NEDD4L: variants seen among roughly 807,000 people sequenced by gnomAD.
NEDD4L encodes E3 ubiquitin-protein ligase NEDD4-like.
Under a neutral mutation model 148.9 loss-of-function variants are expected in NEDD4L, and 54 were observed. That is an observed-to-expected ratio of 0.36 (90% CI 0.29 to 0.45). The LOEUF is 0.45. NEDD4L is among the 20% of genes least tolerant of loss of function. The probability of loss-of-function intolerance (pLI) is 1.00; values close to 1 mark genes in which losing one functional copy is unlikely to be tolerated. For missense variants in NEDD4L, 856 were observed against 1,233.8 expected (o/e 0.69, Z 4.59); for synonymous variants, 433 against 440.7 (o/e 0.98, Z 0.22).
At chr18:58,261,443 AAT>A (rs1170521590) in intron 5 of NEDD4L, among the ~76,000 whole-genome samples, 1 of 152,244 alleles carries the variant, frequency 6.6e-6, no homozygotes, top group African/African-American at 2.4e-5. Flanking sequence ...ATGACTTTAA[AAT>A]GAGGGAGATA....
chr18:58,072,283 A>G (rs1430531817), intron 1 of NEDD4L, among the ~76,000 whole-genome samples: 1 of 152,198 alleles, frequency 6.6e-6, no homozygotes, highest in East Asian at 1.9e-4. Flanking sequence ...CTATGGAACA[A>G]TATCCCTTAT....
chr18:58,256,270 C>G lies in NEDD4L; in HGVS notation c.297+4216C>G, dbSNP rs1198231264. 8.1e-7 allele frequency: 1 copy of G among 1,231,070 alleles called. No individual in the cohort carries two copies. The highest frequency in any genetic ancestry group is 1.0e-6 in the Non-Finnish European group (1 of 987,586). The allele number at this position is 1,231,070 out of a possible 1,614,324, so 76.3% of individuals were successfully genotyped here. On this transcript the variant is annotated intron_variant, in intron 5 of 30. Coordinates refer to ENST00000400345, the MANE Select transcript of NEDD4L (RefSeq NM_001144967.3). The surrounding 1 kb of genome is among the most constrained non-coding windows in gnomAD (Gnocchi z 5.2). ...GCCAGGTGAGGCTGCTGCCCCTGGG[C>G]CCCGATGGCCAGGGCGGCCCGGCCG...
chr18:58,228,366 G>A (rs2044631442), intron 2 of NEDD4L, among the ~76,000 whole-genome samples: 1 of 152,238 alleles, frequency 6.6e-6, no homozygotes, highest in African/African-American at 2.4e-5. Flanking sequence ...CAGGTGGGGG[G>A]CAGGACATTT....
intron 25 of NEDD4L, 142 bp downstream of exon 25, chr18:58,383,461 C>T: frequency 1.7e-6 from 1 of 598,592 alleles, no homozygotes; most frequent in Non-Finnish European, 3.0e-6. Context: ...TCTTTTCTGG[C>T]TTGGGCTAAT....
rs183844308 is a variant in NEDD4L at position 58,174,677 on chromosome 18, G to A, written c.122+8816G>A. Among the ~76,000 whole-genome samples, 67 of 152,278 alleles carry A rather than the reference G, an allele frequency of 4.4e-4. 2 individuals carry two copies. Among genetic ancestry groups the A allele is most frequent in the Admixed American group, 3.3e-3 (50 of 15,310 alleles). ...TTGAGGCAGGAATGGGTGAGGCTAC[G>A]TGCGACTGGAGGGACACAATGACTG... On this transcript the variant is annotated intron_variant, in intron 2 of 30. Coordinates refer to ENST00000400345, the MANE Select transcript of NEDD4L (RefSeq NM_001144967.3).
chr18:58,198,150 T>A (rs1475537654), intron 2 of NEDD4L, among the ~76,000 whole-genome samples: 1 of 152,138 alleles, frequency 6.6e-6, no homozygotes, highest in Non-Finnish European at 1.5e-5. Context: ...TTTCTACATG[T>A]TTATGTCGAG....
At chr18:58,199,964 G>A (rs142986277) in intron 2 of NEDD4L, among the ~76,000 whole-genome samples, 1 of 152,068 alleles carries the variant, frequency 6.6e-6, no homozygotes, top group South Asian at 2.1e-4. Flanking sequence ...AGGGTACGTG[G>A]GGACTCTATC....
chr18:58,325,196 C>A (rs765411686), intron 9 of NEDD4L, 34 bp downstream of exon 9: 1 of 1,610,932 alleles, frequency 6.2e-7, no homozygotes, highest in South Asian at 1.1e-5. Context: ...AACACGTGCA[C>A]GTGCACTGCA....
intron 2 of NEDD4L, among the ~76,000 whole-genome samples, chr18:58,239,981 G>T (rs1301499215): frequency 6.6e-6 from 1 of 152,146 alleles, no homozygotes. Flanking sequence ...TGCAAAATCC[G>T]AGTGGATTTT....
At chr18:58,083,554 G>A (rs2145158203) in intron 1 of NEDD4L, among the ~76,000 whole-genome samples, 1 of 152,262 alleles carries the variant, frequency 6.6e-6, no homozygotes, top group Middle Eastern at 3.4e-3. Context: ...CGGGCGTGGT[G>A]GCGGGTGCCT....
At chr18:58,240,221 C>T in intron 2 of NEDD4L, among the ~76,000 whole-genome samples, 1 of 151,952 alleles carries the variant, frequency 6.6e-6, no homozygotes, top group Non-Finnish European at 1.5e-5. Context: ...AGGTGTCTTA[C>T]TTGTGAGTGA....
At chr18:58,047,412 A>G (rs1457371223) in intron 1 of NEDD4L, 4 of 984,550 alleles carry the variant, frequency 4.1e-6, no homozygotes, top group East Asian at 1.1e-4. Context: ...ACTGCTGATG[A>G]TGAAGCATTG....
intron 1 of NEDD4L, among the ~76,000 whole-genome samples, chr18:58,120,273 A>G (rs1174759701): frequency 6.6e-6 from 1 of 152,146 alleles, no homozygotes; most frequent in East Asian, 1.9e-4. Context: ...AGGCCTTCTG[A>G]TGTCAGCCAA....
chr18:58,390,531 C>T (rs992940440), intron 28 of NEDD4L, 115 bp from the exon 29 acceptor site: 4 of 643,942 alleles, frequency 6.2e-6, no homozygotes, highest in African/African-American at 1.8e-5. Flanking sequence ...TCAGAGTCAA[C>T]TGTCTAGGTC....
chr18:58,156,742 G>A (rs1562029), intron 1 of NEDD4L, among the ~76,000 whole-genome samples: 72,533 of 151,886 alleles, frequency 0.48, 17,625 homozygotes, highest in Admixed American at 0.56. Flanking sequence ...CCCTTAATAC[G>A]ACTCATCTGC....
intron 1 of NEDD4L, chr18:58,054,561 G>A (rs2082013958): frequency 1.1e-5 from 2 of 181,146 alleles, no homozygotes; most frequent in Non-Finnish European, 2.3e-5. Context: ...TTGCACCACC[G>A]CACTCGAGTC....
At chr18:58,374,519 AGACAGGCG>A (rs1048289939) in intron 24 of NEDD4L, among the ~76,000 whole-genome samples, 1 of 149,024 alleles carries the variant, frequency 6.7e-6, no homozygotes, top group Non-Finnish European at 1.5e-5. Flanking sequence ...GAATCCTTAC[AGACAGGCG>A]GACACTGTTC....
At chr18:58,266,631 C>A (rs1273443212) in intron 5 of NEDD4L, among the ~76,000 whole-genome samples, 1 of 152,112 alleles carries the variant, frequency 6.6e-6, no homozygotes, top group Non-Finnish European at 1.5e-5. Flanking sequence ...CAGAAATGTC[C>A]AGCTCCCAGG....
intron 1 of NEDD4L, among the ~76,000 whole-genome samples, chr18:58,131,034 C>A (rs1211421374): frequency 9.1e-5 from 11 of 120,892 alleles, no homozygotes; most frequent in Admixed American, 9.0e-4. Context: ...GTGTTGGGCT[C>A]TGTTGGGGTT....
Sources: gnomAD v4.1 joint callset for allele counts (sites outside exome capture counted in the v4.1 genomes callset) on GRCh38, gnomAD v4.1.1 for gene constraint, Gnocchi (gnomAD v3.1) non-coding constraint, MANE v1.5 for transcripts, NCBI Gene and HGNC (gene_info 2026-07-23, HGNC 2026-07-21) for gene names.